Variants in CDKAL1 observed in about 807,000 individuals in gnomAD.
CDKAL1 encodes CDKAL1 threonylcarbamoyladenosine tRNA methylthiotransferase, also known as threonylcarbamoyladenosine tRNA methylthiotransferase.
A neutral mutation model predicts 68.2 loss-of-function variants in CDKAL1; 32 were observed. That is an observed-to-expected ratio of 0.47 (90% confidence interval 0.35 to 0.63). The LOEUF (loss-of-function observed/expected upper bound fraction) is 0.63, where lower values mean the gene tolerates loss of function less well. Among genes scored for constraint, CDKAL1 ranks in the 30% least tolerant of loss-of-function variants. CDKAL1 has a pLI of 0.00. For synonymous variants in CDKAL1, 234 were observed against 244.3 expected, an observed-to-expected ratio of 0.96 and a Z score of 0.39; for missense variants, 606 against 696.7, an observed-to-expected ratio of 0.87 and a Z score of 1.47.
intron 5 of CDKAL1, among the ~76,000 whole-genome samples, chr6:20,658,847 T>A (rs577734809): frequency 2.6e-5 from 4 of 152,280 alleles, no homozygotes; most frequent in African/African-American, 9.6e-5. Flanking sequence ...CCGGGTCTCG[T>A]TCTGTTGCTC....
chr6:20,882,822 T>TAA (rs1321373215), intron 9 of CDKAL1, among the ~76,000 whole-genome samples: 2 of 152,232 alleles, frequency 1.3e-5, no homozygotes, highest in African/African-American at 4.8e-5. Context: ...CATTTTCATG[T>TAA]AGTCTTTACT....
intron 4 of CDKAL1, among the ~76,000 whole-genome samples, chr6:20,633,921 G>A (rs1283408594): frequency 6.6e-6 from 1 of 152,138 alleles, no homozygotes; most frequent in Non-Finnish European, 1.5e-5. Flanking sequence ...TATGAAATTG[G>A]TAGTTGTTTT....
intron 8 of CDKAL1, among the ~76,000 whole-genome samples, chr6:20,793,365 T>C (rs1330472756): frequency 1.3e-5 from 2 of 152,114 alleles, no homozygotes; most frequent in Admixed American, 6.6e-5. Flanking sequence ...GGCGTTGATG[T>C]TGACACATTG....
intron 9 of CDKAL1, among the ~76,000 whole-genome samples, chr6:20,927,588 GGA>G (rs1763242872): frequency 6.6e-6 from 1 of 152,092 alleles, no homozygotes; most frequent in Non-Finnish European, 1.5e-5. Flanking sequence ...GACCTGCGGT[GGA>G]CAGGAAGATG....
Position 20,608,082 on chromosome 6 carries a change from A to G in CDKAL1, c.287-41211A>G, listed in dbSNP as rs934851348. The stretch of plus-strand genomic sequence containing the variant: ...GTTCCTGAAATAAATTAACATATGC[A>G]TAGTAAACTCTAAAGTTATCACCAT... On this transcript the variant is annotated intron_variant, in intron 4 of 15. Coordinates refer to ENST00000274695, the MANE Select transcript of CDKAL1 (RefSeq NM_017774.3). 2.0e-5 allele frequency among the ~76,000 whole-genome samples: 3 copies of G among 152,250 alleles called. No homozygotes were observed. In the East Asian group the frequency reaches 5.8e-4, roughly 29 times the overall value.
At chr6:20,562,392 A>G (rs1764301153) in intron 4 of CDKAL1, among the ~76,000 whole-genome samples, 1 of 152,142 alleles carries the variant, frequency 6.6e-6, no homozygotes, top group Non-Finnish European at 1.5e-5. Flanking sequence ...TTGAGGGTAG[A>G]CAGCATCCAG....
At chr6:21,169,065 G>T (rs1215416690) in intron 13 of CDKAL1, among the ~76,000 whole-genome samples, 1 of 152,132 alleles carries the variant, frequency 6.6e-6, no homozygotes, top group African/African-American at 2.4e-5. Context: ...TGTGGAGAAA[G>T]TGGGAACCTA....
chr6:20,871,913 C>T (rs890791405), intron 9 of CDKAL1, among the ~76,000 whole-genome samples: 1 of 152,110 alleles, frequency 6.6e-6, no homozygotes, highest in Non-Finnish European at 1.5e-5. Flanking sequence ...TGTCTCCTTA[C>T]CTGTGAACAA....
chr6:20,666,666 G>T (rs536093002), intron 5 of CDKAL1, among the ~76,000 whole-genome samples: 1 of 148,646 alleles, frequency 6.7e-6, no homozygotes, highest in Admixed American at 6.8e-5. Flanking sequence ...AGGGCTGATC[G>T]CCCGCTGCAT....
chr6:20,839,793 T>A (rs1037468411), intron 8 of CDKAL1, among the ~76,000 whole-genome samples: 2 of 152,214 alleles, frequency 1.3e-5, no homozygotes, highest in Admixed American at 1.3e-4. Flanking sequence ...TTTTACTGGA[T>A]ACCTTTCTGC....
At chr6:21,102,911 A>C (rs983514632) in intron 12 of CDKAL1, among the ~76,000 whole-genome samples, 2 of 152,184 alleles carry the variant, frequency 1.3e-5, no homozygotes, top group African/African-American at 4.8e-5. Context: ...TCTCTACCAG[A>C]AAGGGAGCAG....
chr6:20,984,831 T>C (rs1766365870), intron 10 of CDKAL1, among the ~76,000 whole-genome samples: 1 of 149,008 alleles, frequency 6.7e-6, no homozygotes, highest in Admixed American at 6.7e-5. Flanking sequence ...TGGGGAAGGC[T>C]ATGGGTGGTT....
intron 9 of CDKAL1, among the ~76,000 whole-genome samples, chr6:20,867,428 A>C (rs1174741297): frequency 6.6e-6 from 1 of 152,198 alleles, no homozygotes; most frequent in Non-Finnish European, 1.5e-5. Flanking sequence ...TCACACCAGC[A>C]TGAGTCATTT....
At chr6:20,742,379 A>ACTTAC (rs1773496527) in intron 6 of CDKAL1, among the ~76,000 whole-genome samples, 1 of 151,730 alleles carries the variant, frequency 6.6e-6, no homozygotes, top group Admixed American at 6.6e-5. Flanking sequence ...TGGAGAAATA[A>ACTTAC]GAACACATTT....
chr6:20,767,758 A>C (rs1774764632), intron 7 of CDKAL1, among the ~76,000 whole-genome samples: 1 of 152,188 alleles, frequency 6.6e-6, no homozygotes, highest in Non-Finnish European at 1.5e-5. Flanking sequence ...TTTATTTCTA[A>C]TATTTGGTGA....
chr6:20,863,618 A>C (rs1466798376), intron 9 of CDKAL1, among the ~76,000 whole-genome samples: 1 of 152,214 alleles, frequency 6.6e-6, no homozygotes, highest in African/African-American at 2.4e-5. Context: ...GGAATACCCA[A>C]CTAGCACCCA....
At chr6:21,209,542 A>C (rs1439962604) in intron 15 of CDKAL1, among the ~76,000 whole-genome samples, 2 of 152,162 alleles carry the variant, frequency 1.3e-5, no homozygotes, top group African/African-American at 4.8e-5. Context: ...TAATACTGCT[A>C]ATCAATTGTG....
chr6:20,925,791 C>T (rs1026645574), intron 9 of CDKAL1, among the ~76,000 whole-genome samples: 1 of 151,890 alleles, frequency 6.6e-6, no homozygotes, highest in Non-Finnish European at 1.5e-5. Flanking sequence ...AATATCAAGC[C>T]AAAGATATTA....
At chr6:20,538,930 A>T (rs1295159027) in intron 2 of CDKAL1, among the ~76,000 whole-genome samples, 3 of 152,250 alleles carry the variant, frequency 2.0e-5, no homozygotes, top group Non-Finnish European at 2.9e-5. Flanking sequence ...CAGTACTGAA[A>T]AAGAGATGAT....
Sources: allele counts gnomAD v4.1 joint callset (sites outside exome capture counted in the v4.1 genomes callset), GRCh38; gene constraint gnomAD v4.1.1; transcripts MANE v1.5; gene names NCBI Gene and HGNC (gene_info 2026-07-23, HGNC 2026-07-21).